AP3B2: variants seen among roughly 807,000 people sequenced by gnomAD.
AP3B2 encodes the protein AP-3 complex subunit beta-2.
A neutral mutation model predicts 126.9 loss-of-function variants in AP3B2; 50 were observed. The ratio of observed to expected loss-of-function variants is 0.39; its 90% CI spans 0.31 to 0.50. The LOEUF (loss-of-function observed/expected upper bound fraction) is 0.50. Ranked by LOEUF, AP3B2 falls within the 20% of genes least tolerant of loss-of-function variation. The pLI is 0.79. For missense variants in AP3B2, 1,177 were observed against 1,426.4 expected (o/e 0.83, Z 2.82); for synonymous variants, 541 against 565.0 (o/e 0.96, Z 0.60).
chr15:82,659,453 G>T lies in AP3B2; in HGVS notation c.*107C>A. The T allele has an allele frequency of 2.1e-6, 3 of 1,445,446 alleles. No homozygotes were observed. The highest frequency in any genetic ancestry group is 1.4e-5 in the African/African-American group (1 of 72,098). The allele number at this position is 1,445,446 out of a possible 1,614,324, so 89.5% of individuals were successfully genotyped here. A position where few individuals can be genotyped will look rare whatever the true frequency, so the allele number is the denominator to read the frequency against. On this transcript the variant is annotated 3_prime_UTR_variant, in exon 27 of 27. Transcript: ENST00000535359. ...AGAGAGGACACCCTGAATGCTATCT[G>T]GCATGAGGAGGATGATGAGAGAGAG...
intron 1 of AP3B2, among the ~76,000 whole-genome samples, chr15:82,698,801 C>T (rs910664627): frequency 6.6e-6 from 1 of 152,086 alleles, no homozygotes; most frequent in Non-Finnish European, 1.5e-5. Context: ...GCACACACCC[C>T]AGGGCATCCT....
chr15:82,688,327 G>A, intron 4 of AP3B2: 2 of 666,224 alleles, frequency 3.0e-6, no homozygotes, highest in South Asian at 1.6e-5. Flanking sequence ...AGGTGAGAAT[G>A]GTGTGGGGGA....
rs1246602211 is a variant in AP3B2 at position 82,662,721 on chromosome 15, T to C, written c.2806A>G (p.Ile936Val). ...ATTTCGGGAAATTCTTGGATGCTGA[T>C]GCCAGCAGGCAGTTTGGGAGTGCCC... The part of the protein sequence containing the change: ...HVGTPKLPAG[I>V]SIQEFPEIES... Residue 936 changes from isoleucine (I) to valine (V), a missense_variant, in exon 23 of 27, where the codon ATC becomes GTC. Coordinates refer to ENST00000535359, the MANE Select transcript of AP3B2 (RefSeq NM_001278512.2). The C allele has an allele frequency of 6.2e-7, 1 of 1,613,570 alleles. No homozygotes were observed. Among genetic ancestry groups the C allele is most frequent in the African/African-American group, 1.3e-5 (1 of 74,936 alleles).
Position 82,696,530 on chromosome 15 carries a change from A to T in AP3B2, c.114-7077T>A, listed in dbSNP as rs949858914. 2.6e-5 allele frequency among the ~76,000 whole-genome samples: 4 copies of T among 152,198 alleles called. 1 individual carries two copies. Among genetic ancestry groups the T allele is most frequent in the African/African-American group, 9.7e-5 (4 of 41,450 alleles). On this transcript the variant is annotated intron_variant, in intron 1 of 26. Coordinates refer to ENST00000535359, the MANE Select transcript of AP3B2 (RefSeq NM_001278512.2). The stretch of plus-strand genomic sequence containing the variant: ...GAGGCGGAGATTGCAGTGAGCCGAG[A>T]TCGCGCCACTGCACTCCAGCCTGGG...
rs986938800 is a variant in AP3B2 at position 82,709,858 on chromosome 15, G to A, written c.-152C>T. The A allele has an allele frequency of 7.0e-5, 37 of 525,300 alleles. No homozygotes were observed. The highest frequency in any genetic ancestry group is 6.0e-4 in the African/African-American group (30 of 49,874). The allele number at this position is 525,300 out of a possible 1,614,324, so 32.5% of individuals were successfully genotyped here. A position where few individuals can be genotyped will look rare whatever the true frequency, so the allele number is the denominator to read the frequency against. On this transcript the variant is annotated 5_prime_UTR_variant, in exon 1 of 27. Transcript: ENST00000535359. ...GAGGCTGCAGTGTGCAGCGGCGGAG[G>A]CTGCGCGCGGATTTCTCAATCAGGG...
In AP3B2 at chr15:82,680,710, C is replaced by G; in HGVS notation, c.817G>C (p.Glu273Gln). 1 of 1,569,612 alleles carries G rather than the reference C, an allele frequency of 6.4e-7. No homozygotes were observed. Among genetic ancestry groups the G allele is most frequent in the Non-Finnish European group, 8.6e-7 (1 of 1,162,100 alleles). Reference sequence around the variant, plus strand: ...CCCGCGCCCTTGGCCTCGTCCTCCTCTGAGCCGTAGAAGGCTTTTTCCGCG... The same window carrying G: ...CCCGCGCCCTTGGCCTCGTCCTCCTGTGAGCCGTAGAAGGCTTTTTCCGCG... The part of the protein sequence containing the change: ...ENAEKAFYGS[E>Q]EDEAKGAGSE... Residue 273 changes from glutamate to glutamine, a missense_variant, in exon 8 of 27, where the codon GAG (glutamate) becomes CAG (glutamine). Coordinates refer to ENST00000535359, the MANE Select transcript of AP3B2 (RefSeq NM_001278512.2). This position sits in a 1 kb window ranked among gnomAD's most constrained non-coding sequence, Gnocchi z 6.1.
rs767110876 is a variant in AP3B2, at chr15:82,662,806, C to A, written c.2721G>T (p.Met907Ile). 6.2e-7 allele frequency: 1 copy of A among 1,613,780 alleles called. No homozygotes were observed. Among genetic ancestry groups the A allele is most frequent in the South Asian group, 1.1e-5 (1 of 91,008 alleles). Reference protein sequence around the residue: ...SRQPFSGDPHMVSVHIHFSNS... With the variant: ...SRQPFSGDPHIVSVHIHFSNS... ...TGGAGAAGTGGATGTGCACGGACAC[C>A]ATGTGGGGATCCCCGGAGAAAGGTT... The change falls in exon 23 of 27, where the codon ATG (methionine) becomes ATT (isoleucine). Residue 907 changes from methionine (M) to isoleucine (I), a missense_variant. Met to Ile is a conservative substitution (Grantham distance 10, BLOSUM62 1). Transcript: ENST00000535359.
At chr15:82,675,469 G>T (rs1231258143) in intron 14 of AP3B2, among the ~76,000 whole-genome samples, 1 of 152,162 alleles carries the variant, frequency 6.6e-6, no homozygotes, top group Non-Finnish European at 1.5e-5. Flanking sequence ...AGACTCCCAC[G>T]CACAGTGGAC....
chr15:82,691,870 A>G (rs2048540624), intron 1 of AP3B2: 4 of 1,279,792 alleles, frequency 3.1e-6, no homozygotes, highest in Non-Finnish European at 4.5e-6. Context: ...TTTCACTATC[A>G]TGAGAGTGGA....
At chr15:82,682,546 AC>A (rs1234714413) in intron 4 of AP3B2, among the ~76,000 whole-genome samples, 1 of 152,062 alleles carries the variant, frequency 6.6e-6, no homozygotes, top group African/African-American at 2.4e-5. Flanking sequence ...TCGCACTAAA[AC>A]GAGTCACATA....
intron 1 of AP3B2, chr15:82,692,221 C>G (rs1175757857): frequency 8.4e-7 from 1 of 1,194,266 alleles, no homozygotes; most frequent in African/African-American, 1.5e-5. Flanking sequence ...CGCACCAAGG[C>G]GAAGGGCACA....
At position 82,680,385 on chromosome 15, in the gene AP3B2, G is replaced by T. The variant is rs1168214333; in HGVS notation, c.1055+87C>A. The T allele has an allele frequency of 1.4e-6, 2 of 1,453,712 alleles. No individual in the cohort carries two copies. The highest frequency in any genetic ancestry group is 2.2e-5 in the Admixed American group (1 of 44,996). The allele number at this position is 1,453,712 out of a possible 1,614,324, so 90.1% of individuals were successfully genotyped here. The stretch of plus-strand genomic sequence containing the variant: ...GAGCGGGTGGGCAGAGGTGGAAGCG[G>T]CTGGTGGGCGTGAGGGGGCGGAGCC... On this transcript the variant is annotated intron_variant, in intron 8 of 26. Coordinates refer to ENST00000535359, the MANE Select transcript of AP3B2 (RefSeq NM_001278512.2). The surrounding 1 kb of genome is among the most constrained non-coding windows in gnomAD (Gnocchi z 6.1).
intron 10 of AP3B2, among the ~76,000 whole-genome samples, chr15:82,679,280 C>T (rs1411388198): frequency 6.6e-6 from 1 of 152,140 alleles, no homozygotes; most frequent in Non-Finnish European, 1.5e-5. Context: ...CCTGCCACCA[C>T]GCCTGGCTAA....
intron 22 of AP3B2, 78 bp downstream of exon 22, chr15:82,663,049 C>G: frequency 2.7e-6 from 4 of 1,487,684 alleles, no homozygotes; most frequent in South Asian, 2.4e-5. Context: ...ACCCACCCCC[C>G]ACACACATCC....
chr15:82,671,969 G>C (rs996930311), intron 14 of AP3B2, among the ~76,000 whole-genome samples: 5 of 150,568 alleles, frequency 3.3e-5, no homozygotes, highest in African/African-American at 4.9e-5. Context: ...GTTTGAACCT[G>C]GGAGGCGGAG....
At chr15:82,670,201 C>T (rs1462848803) in intron 14 of AP3B2, among the ~76,000 whole-genome samples, 3 of 150,202 alleles carry the variant, frequency 2.0e-5, no homozygotes, top group African/African-American at 7.3e-5. Context: ...CCTCCGCCTC[C>T]CGGGTTCAAG....
At chr15:82,683,160 G>A (rs935172297) in intron 4 of AP3B2, among the ~76,000 whole-genome samples, 1 of 140,492 alleles carries the variant, frequency 7.1e-6, no homozygotes, top group Non-Finnish European at 1.5e-5. Flanking sequence ...CCAGGTTCAC[G>A]CCATTCTCCT....
Position 82,680,664 on chromosome 15 carries a change from G to C in AP3B2, c.863C>G (p.Ala288Gly), listed in dbSNP as rs1408592416. ...KGAGSEETAA[A>G]AAPSRKPYVM... The stretch of plus-strand genomic sequence containing the variant: ...ATAGGGCTTTCGGGAGGGGGCGGCC[G>C]CGGCGGCCGTCTCCTCAGACCCCGC... Residue 288 changes from alanine to glycine, a missense_variant, in exon 8 of 27, where the codon GCG becomes GGG. This residue lies in a region of AP3B2 where 103 missense variants were observed against 101.4 expected (regional missense o/e 1.02). Coordinates refer to ENST00000535359, the MANE Select transcript of AP3B2 (RefSeq NM_001278512.2). The surrounding 1 kb of genome is among the most constrained non-coding windows in gnomAD (Gnocchi z 6.1). The C allele has an allele frequency of 6.3e-7, 1 of 1,580,382 alleles. No homozygotes were observed. The highest frequency in any genetic ancestry group is 1.1e-5 in the South Asian group (1 of 89,070).
rs1457973191 is a variant in AP3B2 at position 82,683,064 on chromosome 15, T to G, written c.361-1484A>C. On this transcript the variant is annotated intron_variant, in intron 4 of 26. Coordinates refer to ENST00000535359, the MANE Select transcript of AP3B2 (RefSeq NM_001278512.2). ...CACCAGGAGTTTTTTTTTTTTTTTT[T>G]TTTTTTTTTTTTGTAACGGAGTCTC... Among the ~76,000 whole-genome samples, 112 of 138,722 alleles carry G rather than the reference T, an allele frequency of 8.1e-4. 1 individual carries two copies. Among genetic ancestry groups the G allele is most frequent in the African/African-American group, 2.7e-3 (99 of 37,114 alleles). The allele number at this position is 138,722 out of a possible 152,430, so 91.0% of individuals were successfully genotyped here.
Sources: allele counts gnomAD v4.1 joint callset (sites outside exome capture counted in the v4.1 genomes callset), GRCh38; gene constraint gnomAD v4.1.1; regional missense constraint gnomAD v4.1.1; non-coding constraint Gnocchi (gnomAD v3.1); transcripts MANE v1.5; gene names NCBI Gene and HGNC (gene_info 2026-07-23, HGNC 2026-07-21).